Variants in TPP2 observed in about 807,000 individuals in gnomAD.
TPP2 encodes the protein tripeptidyl peptidase 2.
TPP2 carries 34 observed loss-of-function variants against 155.9 expected under a neutral mutation model. The observed-to-expected ratio is 0.22, with a 90% CI of 0.17 to 0.29. The LOEUF is 0.29. TPP2 is among the 10% of genes least tolerant of loss of function. TPP2 has a pLI of 1.00. For synonymous variants in TPP2, 510 were observed against 529.4 expected (o/e 0.96, Z 0.50); for missense variants, 1,028 against 1,522.3 (o/e 0.68, Z 5.40).
At chr13:102,634,174 A>G in intron 11 of TPP2, 76 bp downstream of exon 11, 3 of 1,574,708 alleles carry the variant, frequency 1.9e-6, no homozygotes, top group Non-Finnish European at 2.6e-6. Flanking sequence ...TGGTAAGAAC[A>G]TGTGGTAGAA....
At chr13:102,636,830 G>A (rs1306668545) in intron 13 of TPP2, among the ~76,000 whole-genome samples, 1 of 152,146 alleles carries the variant, frequency 6.6e-6, no homozygotes, top group Non-Finnish European at 1.5e-5. Flanking sequence ...TATGACCTGT[G>A]TGCAGTAATG....
intron 27 of TPP2, 84 bp downstream of exon 27, chr13:102,665,009 A>T (rs1884496616): frequency 6.6e-7 from 1 of 1,509,552 alleles, no homozygotes; most frequent in Non-Finnish European, 9.0e-7. Flanking sequence ...TATAGAGGAT[A>T]TTGCTTTTCT....
At chr13:102,602,931 G>GTT (rs67746548) in intron 1 of TPP2, among the ~76,000 whole-genome samples, 1 of 147,478 alleles carries the variant, frequency 6.8e-6, no homozygotes, top group Non-Finnish European at 1.5e-5. Context: ...TTCGTTTTTT[G>GTT]TTTTTTTTTC....
intron 2 of TPP2, among the ~76,000 whole-genome samples, chr13:102,606,574 A>G (rs909974289): frequency 1.3e-5 from 2 of 152,226 alleles, no homozygotes; most frequent in Non-Finnish European, 2.9e-5. Context: ...GACCTTGGTG[A>G]TGACCCCAGT....
chr13:102,650,054 C>T (rs1883382135), intron 23 of TPP2, among the ~76,000 whole-genome samples: 1 of 151,940 alleles, frequency 6.6e-6, no homozygotes, highest in South Asian at 2.1e-4. Context: ...CAAAATGATG[C>T]TTTTTTTAGA....
At chr13:102,656,999 T>A (rs1883899917) in intron 24 of TPP2, 57 bp from the exon 25 acceptor site, 2 of 1,526,758 alleles carry the variant, frequency 1.3e-6, no homozygotes. Flanking sequence ...TTGAAGATGA[T>A]TTTGATGTAT....
chr13:102,640,969 A>G (rs1248052827), intron 16 of TPP2, among the ~76,000 whole-genome samples: 1 of 152,122 alleles, frequency 6.6e-6, no homozygotes, highest in Non-Finnish European at 1.5e-5. Flanking sequence ...AAATACTACA[A>G]ATCAGTTTAA....
chr13:102,651,371 G>A lies in TPP2; in HGVS notation c.2965G>A (p.Ala989Thr), dbSNP rs1336038308. Residue 989 changes from alanine (A) to threonine (T), a missense_variant, in exon 24 of 30, where the codon GCA becomes ACA. This residue lies in a region of TPP2 where 179 missense variants were observed against 274.7 expected (regional missense o/e 0.65). Transcript: ENST00000376052. Reference sequence around the variant, plus strand: ...TTCTAACTCCCAGGGGCAGTCTGCAGCAAAACGACAAGGAAAATTTAAAAA... The same window carrying A: ...TTCTAACTCCCAGGGGCAGTCTGCAACAAAACGACAAGGAAAATTTAAAAA... ...ELGKKAGQSA[A>T]KRQGKFKKDV... 2 of 1,583,884 alleles carry A rather than the reference G, an allele frequency of 1.3e-6. No homozygotes were observed. Among genetic ancestry groups the A allele is most frequent in the East Asian group, 4.6e-5 (2 of 43,922 alleles).
At chr13:102,638,132 A>G in intron 14 of TPP2, 107 bp from the exon 15 acceptor site, 2 of 1,067,520 alleles carry the variant, frequency 1.9e-6, no homozygotes, top group Non-Finnish European at 2.8e-6. Flanking sequence ...TCTGGTTAAG[A>G]CCTTGATTAA....
chr13:102,656,133 T>G (rs117709180), intron 24 of TPP2, among the ~76,000 whole-genome samples: 6,448 of 152,176 alleles, frequency 0.042, 193 homozygotes, highest in Non-Finnish European at 0.058. Context: ...CCCTCTATAA[T>G]CTATTTTCCA....
chr13:102,603,745 C>T (rs528498906), intron 1 of TPP2, among the ~76,000 whole-genome samples: 107 of 152,188 alleles, frequency 7.0e-4, no homozygotes, highest in African/African-American at 2.5e-3. Flanking sequence ...ATCGCAAATT[C>T]GAAAGTCTCC....
chr13:102,631,606 T>A (rs1324901508), intron 10 of TPP2: 1 of 152,228 alleles, frequency 6.6e-6, no homozygotes, highest in African/African-American at 2.4e-5. Flanking sequence ...TAAACCAGCC[T>A]TTGCCGATAC....
chr13:102,645,085 CTTT>C (rs10713633), intron 19 of TPP2, 76 bp downstream of exon 19: 241 of 1,060,116 alleles, frequency 2.3e-4, no homozygotes, highest in Non-Finnish European at 2.5e-4. Flanking sequence ...AAAAAAGGGC[CTTT>C]TTTTTTTTTA....
intron 10 of TPP2, chr13:102,631,206 AATTG>A (rs1447301048): frequency 3.3e-5 from 5 of 152,248 alleles, no homozygotes; most frequent in Non-Finnish European, 4.4e-5. Flanking sequence ...AGATTAGAAA[AATTG>A]ATTGTGCTCA....
At chr13:102,617,447 C>A (rs1359821076) in intron 4 of TPP2, among the ~76,000 whole-genome samples, 2 of 152,170 alleles carry the variant, frequency 1.3e-5, no homozygotes, top group East Asian at 3.9e-4. Context: ...CCTGATAATT[C>A]TGATTTACTA....
rs1003847107 is a variant in TPP2 at position 102,614,776 on chromosome 13, A to G, written c.390+580A>G. 4.6e-5 allele frequency among the ~76,000 whole-genome samples: 7 copies of G among 152,232 alleles called. 1 individual carries two copies. In the South Asian group the frequency reaches 1.0e-3, roughly 23 times the overall value. On this transcript the variant is annotated intron_variant, in intron 3 of 29. Coordinates refer to ENST00000376052, the MANE Select transcript of TPP2 (RefSeq NM_001330588.2). Reference sequence around the variant, plus strand: ...AAACAGTTCAATAGAACTTTCTGTGATAATGGAAATGTTTGAAATGTTCAG... The same window carrying G: ...AAACAGTTCAATAGAACTTTCTGTGGTAATGGAAATGTTTGAAATGTTCAG...
At chr13:102,641,984 A>G (rs686765) in intron 16 of TPP2, among the ~76,000 whole-genome samples, 75,214 of 151,900 alleles carry the variant, frequency 0.5, 19,033 homozygotes, top group African/African-American at 0.6. Flanking sequence ...ACTGGATTAG[A>G]GGGAGGCAGC....
rs373726395 is a variant in TPP2 at position 102,638,292 on chromosome 13, G to T, written c.1890G>T (p.Pro630=). 6.2e-7 allele frequency: 1 copy of T among 1,612,818 alleles called. No individual in the cohort carries two copies. The highest frequency in any genetic ancestry group is 1.7e-4 in the Middle Eastern group (1 of 6,058). Residue 630 remains proline, a synonymous_variant, in exon 15 of 30, where the codon CCG becomes CCT. Transcript: ENST00000376052. ...ACGCAGGTCCGCTCTTCAGAGTTCC[G>T]ATCACTGCAGTTATAGCAGCAAAGT... The part of the protein sequence containing the change: ...SPNAGPLFRV[P]ITAVIAAKVN...
chr13:102,635,953 A>G (rs542442466), intron 12 of TPP2, among the ~76,000 whole-genome samples: 8 of 152,214 alleles, frequency 5.3e-5, no homozygotes, highest in Non-Finnish European at 1.0e-4. Context: ...ATCGAGGTCA[A>G]AAACTGGCCA....
Sources: allele counts gnomAD v4.1 joint callset (sites outside exome capture counted in the v4.1 genomes callset), GRCh38; gene constraint gnomAD v4.1.1; regional missense constraint gnomAD v4.1.1; transcripts MANE v1.5; gene names NCBI Gene and HGNC (gene_info 2026-07-23, HGNC 2026-07-21).